Variants in VPS13A observed in about 807,000 individuals in gnomAD.
The protein encoded by VPS13A is vacuolar protein sorting 13 homolog A.
VPS13A carries 264 observed loss-of-function variants against 390.9 expected under a neutral mutation model. The ratio of observed to expected loss-of-function variants is 0.68; its 90% confidence interval spans 0.61 to 0.75. VPS13A has a LOEUF of 0.75. Ranked by LOEUF, VPS13A falls within the 30% of genes least tolerant of loss-of-function variation. VPS13A has a pLI of 0.00. For missense variants in VPS13A, 3,409 were observed against 3,733.9 expected (o/e 0.91, Z 2.27); for synonymous variants, 1,231 against 1,227.1 (o/e 1.00, Z -0.07).
intron 68 of VPS13A, among the ~76,000 whole-genome samples, chr9:77,400,086 TTATATG>T (rs1255240150): frequency 2.6e-5 from 4 of 152,190 alleles, no homozygotes; most frequent in South Asian, 4.1e-4. Context: ...GTGAAGATTC[TTATATG>T]TATATTTTGG....
At chr9:77,210,481 C>T in intron 6 of VPS13A, 135 bp from the exon 7 acceptor site, 1 of 778,210 alleles carries the variant, frequency 1.3e-6, no homozygotes, top group Non-Finnish European at 2.2e-6. Context: ...AGAGCTCAAG[C>T]AGTCCTCCTG....
chr9:77,360,546 G>A lies in VPS13A; in HGVS notation c.8116G>A (p.Val2706Ile). Residue 2706 changes from valine (V) to isoleucine (I), a missense_variant, in exon 59 of 72, where the codon GTA becomes ATA. By Grantham distance (29) the Val-to-Ile change is conservative. Coordinates refer to ENST00000360280, the MANE Select transcript of VPS13A (RefSeq NM_033305.3). The part of the protein sequence containing the change: ...SQISRIKYFK[V>I]LIQEMDLRLD... The stretch of plus-strand genomic sequence containing the variant: ...TACTTTGTAATACAGGTATTTCAAA[G>A]TATTGATTCAAGAAATGGATCTCAG... 1 of 1,610,658 alleles carries A rather than the reference G, an allele frequency of 6.2e-7. No individual in the cohort carries two copies. Among genetic ancestry groups the A allele is most frequent in the Non-Finnish European group, 8.5e-7 (1 of 1,177,338 alleles).
At chr9:77,315,754 A>C (rs1829346421) in intron 38 of VPS13A, among the ~76,000 whole-genome samples, 2 of 152,164 alleles carry the variant, frequency 1.3e-5, no homozygotes, top group Non-Finnish European at 2.9e-5. Flanking sequence ...CTAGTGGAAA[A>C]AAACAAGCAG....
At chr9:77,316,136 A>G (rs888806964) in intron 38 of VPS13A, 38 bp from the exon 39 acceptor site, 7 of 1,211,638 alleles carry the variant, frequency 5.8e-6, no homozygotes, top group East Asian at 2.6e-5. Context: ...TATTCATAAT[A>G]TATAGCAAAT....
chr9:77,216,049 C>T (rs867660043), intron 10 of VPS13A, among the ~76,000 whole-genome samples: 3 of 152,122 alleles, frequency 2.0e-5, no homozygotes, highest in Admixed American at 6.5e-5. Flanking sequence ...TGGGAGAAGC[C>T]GTGTTCTTGC....
Position 77,323,180 on chromosome 9 carries a change from G to T in VPS13A, c.5944G>T (p.Asp1982Tyr). The T allele has an allele frequency of 1.2e-6, 2 of 1,613,532 alleles. No homozygotes were observed. The highest frequency in any genetic ancestry group is 2.7e-5 in the African/African-American group (2 of 74,990). ...GVERSIVCQIDTVEGSKKVTI... is the reference protein window; with the variant it reads ...GVERSIVCQIYTVEGSKKVTI... Reference sequence around the variant, plus strand: ...TGAAAGATCTATTGTTTGTCAAATTGATACAGTAGAAGGAAGTAAGAAGGT... The same window carrying T: ...TGAAAGATCTATTGTTTGTCAAATTTATACAGTAGAAGGAAGTAAGAAGGT... Residue 1982 changes from aspartate to tyrosine, a missense_variant, in exon 45 of 72, where the codon GAT (aspartate) becomes TAT (tyrosine). Asp to Tyr is a radical substitution (Grantham distance 160). This residue lies in a region of VPS13A where 2,717 missense variants were observed against 2,917.4 expected (regional missense o/e 0.93). Transcript: ENST00000360280.
chr9:77,256,220 C>G lies in VPS13A; in HGVS notation c.2289-3866C>G, dbSNP rs113184296. ...ATTTTCATTTGTCTTGAGTTATTTTCTAATTTCCCTTGTGATTTCTTTGAT... is the reference window on the plus strand; with the variant it reads ...ATTTTCATTTGTCTTGAGTTATTTTGTAATTTCCCTTGTGATTTCTTTGAT... On this transcript the variant is annotated intron_variant, in intron 22 of 71. Coordinates refer to ENST00000360280, the MANE Select transcript of VPS13A (RefSeq NM_033305.3). 3.7e-3 allele frequency among the ~76,000 whole-genome samples: 566 copies of G among 152,060 alleles called. 2 individuals carry two copies. The highest frequency in any genetic ancestry group is 6.8e-3 in the Middle Eastern group (2 of 294).
chr9:77,282,311 T>C lies in VPS13A; in HGVS notation c.3118+37T>C. 2.5e-6 allele frequency: 4 copies of C among 1,582,094 alleles called. No homozygotes were observed. In the African/African-American group the frequency reaches 4.1e-5, roughly 16 times the overall value. On this transcript the variant is annotated intron_variant, in intron 29 of 71. Transcript: ENST00000360280. ...AAAAATTTAGCATCAACTTTTTTTT[T>C]TTTTAACCATGTAGGTCAATAAATC...
chr9:77,365,321 T>C, intron 59 of VPS13A, 139 bp from the exon 60 acceptor site: 1 of 645,488 alleles, frequency 1.5e-6, no homozygotes, highest in Non-Finnish European at 2.8e-6. Context: ...ATAGAGATGT[T>C]ACTTTCCCTT....
At chr9:77,327,448 T>C (rs1307205809) in intron 45 of VPS13A, among the ~76,000 whole-genome samples, 2 of 152,170 alleles carry the variant, frequency 1.3e-5, no homozygotes, top group Non-Finnish European at 2.9e-5. Flanking sequence ...TTTTCTAGAA[T>C]TAAAAATATA....
At chr9:77,342,605 A>T (rs1052912985) in intron 50 of VPS13A, among the ~76,000 whole-genome samples, 2 of 152,164 alleles carry the variant, frequency 1.3e-5, no homozygotes, top group Admixed American at 6.5e-5. Flanking sequence ...TTATTTAAAT[A>T]TTGTATAAAA....
intron 24 of VPS13A, among the ~76,000 whole-genome samples, chr9:77,274,205 G>A (rs1403332688): frequency 4.6e-5 from 7 of 152,018 alleles, no homozygotes; most frequent in African/African-American, 1.7e-4. Context: ...CAAGGCGGGC[G>A]GATCATGAGG....
At chr9:77,284,111 G>A (rs528071491) in intron 31 of VPS13A, among the ~76,000 whole-genome samples, 7 of 152,068 alleles carry the variant, frequency 4.6e-5, no homozygotes, top group African/African-American at 1.7e-4. Flanking sequence ...ATAATGATAA[G>A]AGAGTCCTTT....
chr9:77,243,207 A>G (rs1824609253), intron 19 of VPS13A, among the ~76,000 whole-genome samples: 1 of 152,104 alleles, frequency 6.6e-6, no homozygotes, highest in African/African-American at 2.4e-5. Context: ...ATCCCTTAGC[A>G]GAAATGTTTG....
intron 19 of VPS13A, among the ~76,000 whole-genome samples, chr9:77,240,675 A>AC (rs1824436576): frequency 6.6e-6 from 1 of 150,802 alleles, no homozygotes; most frequent in African/African-American, 2.4e-5. Context: ...ATGGGGTTTC[A>AC]CCATGTTGGC....
At chr9:77,372,863 C>T (rs1223645821) in intron 67 of VPS13A, among the ~76,000 whole-genome samples, 5 of 152,060 alleles carry the variant, frequency 3.3e-5, no homozygotes, top group South Asian at 4.1e-4. Context: ...AGAGCCAAAT[C>T]ATAAGTGAAC....
At chr9:77,178,337 C>CA (rs752136245) in intron 1 of VPS13A, among the ~76,000 whole-genome samples, 1 of 152,188 alleles carries the variant, frequency 6.6e-6, no homozygotes, top group African/African-American at 2.4e-5. Context: ...TTCCTGGCTT[C>CA]ACCCGTGGTG....
chr9:77,260,215 A>T lies in VPS13A; in HGVS notation c.2418A>T (p.Lys806Asn). The part of the protein sequence containing the change: ...EPVTEVSAPV[K>N]SFQIQTSTSL... The stretch of plus-strand genomic sequence containing the variant: ...TAACTGAAGTATCTGCCCCTGTCAA[A>T]TCATTCCAGGTAATGTTACTTTCAA... The change falls in exon 23 of 72, where the codon AAA (lysine) becomes AAT (asparagine). Residue 806 changes from lysine (K) to asparagine (N), a missense_variant. This residue lies in a region of VPS13A where 2,717 missense variants were observed against 2,917.4 expected (regional missense o/e 0.93). Transcript: ENST00000360280. The T allele has an allele frequency of 6.2e-7, 1 of 1,613,364 alleles. No individual in the cohort carries two copies. Among genetic ancestry groups the T allele is most frequent in the South Asian group, 1.1e-5 (1 of 90,908 alleles).
chr9:77,217,790 T>C (rs984174831), intron 10 of VPS13A, among the ~76,000 whole-genome samples: 1 of 151,786 alleles, frequency 6.6e-6, no homozygotes, highest in African/African-American at 2.4e-5. Flanking sequence ...TTTCTTTTTT[T>C]TTTTTGGATA....
Sources: gnomAD v4.1 joint callset for allele counts (sites outside exome capture counted in the v4.1 genomes callset) on GRCh38, gnomAD v4.1.1 for gene constraint, gnomAD v4.1.1 regional missense constraint, MANE v1.5 for transcripts, NCBI Gene and HGNC (gene_info 2026-07-23, HGNC 2026-07-21) for gene names.